The following OPCML variants were observed in gnomAD, a reference collection of about 807,000 sequenced individuals.
OPCML encodes the protein opioid binding protein/cell adhesion molecule like.
OPCML carries 13 observed loss-of-function variants against 37.8 expected under a neutral mutation model. The observed-to-expected ratio is 0.34, with a 90% CI of 0.22 to 0.55. The LOEUF is 0.55. Among genes scored for constraint, OPCML ranks in the 20% least tolerant of loss-of-function variants. OPCML has a pLI of 0.91. For missense variants in OPCML, 341 were observed against 435.6 expected (o/e 0.78, Z 1.93); for synonymous variants, 176 against 168.8 (o/e 1.04, Z -0.33).
intron 1 of OPCML, among the ~76,000 whole-genome samples, chr11:133,229,394 G>A (rs992601096): frequency 3.9e-5 from 6 of 152,122 alleles, no homozygotes; most frequent in African/African-American, 1.4e-4. Context: ...ATTTGACTTC[G>A]TAATGGCTCA....
At chr11:132,955,779 G>A (rs1945965777) in intron 1 of OPCML, among the ~76,000 whole-genome samples, 2 of 152,112 alleles carry the variant, frequency 1.3e-5, no homozygotes, top group Admixed American at 1.3e-4. Flanking sequence ...CTGCTCAGGA[G>A]GCCAAGGCAG....
intron 3 of OPCML, among the ~76,000 whole-genome samples, chr11:132,542,752 T>C (rs1565650989): frequency 6.6e-6 from 1 of 152,170 alleles, no homozygotes. Flanking sequence ...TGGCTGCCCC[T>C]TGGGATGCAG....
rs1253134982 is a variant in OPCML, at chr11:133,208,525, G to A, written c.62-265515C>T. ...AAGTGCAATGAAGTATGTCAGTAGGGCATCGTAAATATAATTCCAATGCTG... is the reference window on the plus strand; with the variant it reads ...AAGTGCAATGAAGTATGTCAGTAGGACATCGTAAATATAATTCCAATGCTG... On this transcript the variant is annotated intron_variant, in intron 1 of 7. Transcript: ENST00000524381. This position sits in a 1 kb window ranked among gnomAD's most constrained non-coding sequence, Gnocchi z 8.9. Among the ~76,000 whole-genome samples, 1 of 152,152 alleles carries A rather than the reference G, an allele frequency of 6.6e-6. No individual in the cohort carries two copies. The highest frequency in any genetic ancestry group is 1.5e-5 in the Non-Finnish European group (1 of 68,022).
chr11:132,513,291 G>A (rs535443525), intron 4 of OPCML, among the ~76,000 whole-genome samples: 125 of 152,190 alleles, frequency 8.2e-4, no homozygotes, highest in African/African-American at 2.7e-3. Context: ...AAAGAGAAAA[G>A]ATTGCCAAAC....
intron 2 of OPCML, among the ~76,000 whole-genome samples, chr11:132,715,417 C>T (rs1172266033): frequency 6.6e-6 from 1 of 152,184 alleles, no homozygotes; most frequent in Non-Finnish European, 1.5e-5. Flanking sequence ...ATTTTATCCT[C>T]AGCTCTGCTA....
intron 2 of OPCML, among the ~76,000 whole-genome samples, chr11:132,912,636 A>C (rs1944463469): frequency 6.6e-6 from 1 of 152,208 alleles, no homozygotes; most frequent in Admixed American, 6.5e-5. Flanking sequence ...CTTTCAACAC[A>C]ATCCTATTTT....
In OPCML at chr11:133,103,574, A is replaced by G. The variant is rs924177431; in HGVS notation, c.62-160564T>C. Among the ~76,000 whole-genome samples the G allele has an allele frequency of 2.0e-5, 3 of 152,270 alleles. No homozygotes were observed. The South Asian group carries it at 6.2e-4, about 31-fold the overall frequency. On this transcript the variant is annotated intron_variant, in intron 1 of 7. Transcript: ENST00000524381. ...ACAAGGTGAAAAGCCTTTTGTTCATACAATGGAACATAATTTTGCAGTAGA... is the reference window on the plus strand; with the variant it reads ...ACAAGGTGAAAAGCCTTTTGTTCATGCAATGGAACATAATTTTGCAGTAGA...
At chr11:133,467,828 A>G (rs140094281) in intron 1 of OPCML, among the ~76,000 whole-genome samples, 16 of 152,326 alleles carry the variant, frequency 1.1e-4, no homozygotes, top group African/African-American at 3.8e-4. Context: ...CAAATTGAAA[A>G]AAAGACAACA....
At chr11:133,207,248 C>T (rs944098369) in intron 1 of OPCML, among the ~76,000 whole-genome samples, 1 of 151,810 alleles carries the variant, frequency 6.6e-6, no homozygotes, top group Non-Finnish European at 1.5e-5. Flanking sequence ...TGTAGTGAGC[C>T]GAGATCAAGC....
At chr11:133,438,263 T>A (rs1946286981) in intron 1 of OPCML, among the ~76,000 whole-genome samples, 1 of 152,132 alleles carries the variant, frequency 6.6e-6, no homozygotes, top group African/African-American at 2.4e-5. Context: ...ATTGTTAAAA[T>A]TGTTAAAAAT....
intron 2 of OPCML, among the ~76,000 whole-genome samples, chr11:132,765,522 A>G (rs1189934368): frequency 6.6e-6 from 1 of 152,166 alleles, no homozygotes; most frequent in Non-Finnish European, 1.5e-5. Flanking sequence ...TGATATGAGC[A>G]GATTCTTACC....
At chr11:133,418,644 A>T in intron 1 of OPCML, 1 of 179,910 alleles carries the variant, frequency 5.6e-6, no homozygotes, top group Non-Finnish European at 1.1e-5. Flanking sequence ...TTAATCTTAA[A>T]CTCCTTAAAG....
At chr11:133,418,220 G>A (rs1945809407) in intron 1 of OPCML, 2 of 985,292 alleles carry the variant, frequency 2.0e-6, no homozygotes, top group Non-Finnish European at 2.4e-6. Flanking sequence ...TAGGTGTGGT[G>A]ATCTGTATCT....
At chr11:133,262,939 C>A (rs1053048351) in intron 1 of OPCML, among the ~76,000 whole-genome samples, 1 of 151,532 alleles carries the variant, frequency 6.6e-6, no homozygotes, top group Non-Finnish European at 1.5e-5. Flanking sequence ...AGGAGAAATA[C>A]CTAAAGAGAG....
At chr11:133,160,628 C>A (rs181539691) in intron 1 of OPCML, among the ~76,000 whole-genome samples, 7 of 152,380 alleles carry the variant, frequency 4.6e-5, no homozygotes, top group Admixed American at 1.3e-4. Context: ...GCCTCCCAAC[C>A]TTCTTCCCTG....
chr11:133,084,181 T>C lies in OPCML; in HGVS notation c.62-141171A>G, dbSNP rs540167919. On this transcript the variant is annotated intron_variant, in intron 1 of 7. Coordinates refer to ENST00000524381, the MANE Select transcript of OPCML (RefSeq NM_001012393.5). ...TTTTATAAATTAGGAAAGTAACTAA[T>C]GGTAATAGCTCCTCCAGGAACAAAC... Among the ~76,000 whole-genome samples, 5 of 152,232 alleles carry C rather than the reference T, an allele frequency of 3.3e-5. No homozygotes were observed. In the East Asian group the frequency reaches 9.7e-4, roughly 29 times the overall value.
intron 2 of OPCML, among the ~76,000 whole-genome samples, chr11:132,764,047 A>C (rs1173401624): frequency 6.6e-6 from 1 of 152,192 alleles, no homozygotes; most frequent in African/African-American, 2.4e-5. Flanking sequence ...AATTTAAGTG[A>C]GTATGTTGAG....
intron 4 of OPCML, among the ~76,000 whole-genome samples, chr11:132,517,084 G>A (rs1291160787): frequency 1.3e-5 from 2 of 152,078 alleles, no homozygotes; most frequent in East Asian, 1.9e-4. Context: ...TACCATGTAC[G>A]TGTCTCCCCA....
Position 132,605,576 on chromosome 11 carries a change from T to A in OPCML, c.379+51511A>T, listed in dbSNP as rs1338187794. On this transcript the variant is annotated intron_variant, in intron 3 of 7. Coordinates refer to ENST00000524381, the MANE Select transcript of OPCML (RefSeq NM_001012393.5). ...AGAGACTCTGTGTCAAAAAAATAAA[T>A]AAATAAAAATAAATAAAAAGGACAC... 3.9e-5 allele frequency among the ~76,000 whole-genome samples: 6 copies of A among 151,912 alleles called. No homozygotes were observed. In the South Asian group the frequency reaches 8.3e-4, roughly 21 times the overall value.
Sources: allele counts gnomAD v4.1 joint callset (sites outside exome capture counted in the v4.1 genomes callset), GRCh38; gene constraint gnomAD v4.1.1; non-coding constraint Gnocchi (gnomAD v3.1); transcripts MANE v1.5; gene names NCBI Gene and HGNC (gene_info 2026-07-23, HGNC 2026-07-21).